The following MYRIP variants were observed in gnomAD, a reference collection of about 807,000 sequenced individuals.
MYRIP encodes rab effector MyRIP.
MYRIP carries 49 observed loss-of-function variants against 98.0 expected under a neutral mutation model. That is an observed-to-expected ratio of 0.50 (90% CI 0.40 to 0.63). The LOEUF (loss-of-function observed/expected upper bound fraction) is 0.63. MYRIP is among the 30% of genes least tolerant of loss of function. The pLI is 0.00. For missense variants in MYRIP, 1,004 were observed against 1,058.2 expected (o/e 0.95, Z 0.71); for synonymous variants, 404 against 409.5 (o/e 0.99, Z 0.16).
chr3:39,918,359 T>G (rs1184077328), intron 2 of MYRIP, among the ~76,000 whole-genome samples: 2 of 152,244 alleles, frequency 1.3e-5, no homozygotes, highest in African/African-American at 4.8e-5. Context: ...TGCCTTAGCC[T>G]CTGCCAGAGG....
intron 1 of MYRIP, among the ~76,000 whole-genome samples, chr3:39,868,839 T>C (rs1476859647): frequency 1.3e-5 from 2 of 152,172 alleles, no homozygotes; most frequent in Non-Finnish European, 2.9e-5. Context: ...GTTGATAGTC[T>C]TTTTCTTTCA....
intron 2 of MYRIP, among the ~76,000 whole-genome samples, chr3:39,919,691 GTGGTGTGTGTGT>G (rs1944257095): frequency 7.0e-6 from 1 of 143,592 alleles, no homozygotes; most frequent in African/African-American, 2.8e-5. Flanking sequence ...GCGGGTATGT[GTGGTGTGTGTGT>G]GTGTGTGTGT....
In MYRIP at chr3:39,866,268, C is replaced by T. The variant is rs541051698; in HGVS notation, c.-30-34519C>T. 4.6e-5 allele frequency among the ~76,000 whole-genome samples: 7 copies of T among 152,150 alleles called. No homozygotes were observed. In the East Asian group the frequency reaches 7.7e-4, roughly 17 times the overall value. Reference sequence around the variant, plus strand: ...TACCTGGGTGGTGAAATAATCTATACACCAAACGCCCATGACACATAATTT... The same window carrying T: ...TACCTGGGTGGTGAAATAATCTATATACCAAACGCCCATGACACATAATTT... On this transcript the variant is annotated intron_variant, in intron 1 of 16. Transcript: ENST00000302541.
rs1275803311 is a variant in MYRIP at position 39,870,833 on chromosome 3, G to A, written c.-30-29954G>A. Among the ~76,000 whole-genome samples, 4 of 152,268 alleles carry A rather than the reference G, an allele frequency of 2.6e-5. No individual in the cohort carries two copies. In the South Asian group the frequency reaches 6.2e-4, roughly 24 times the overall value. On this transcript the variant is annotated intron_variant, in intron 1 of 16. Coordinates refer to ENST00000302541, the MANE Select transcript of MYRIP (RefSeq NM_015460.4). ...GTGCAAAGGGAAATGTGATCACAGGGCTTTCTTTGGGTCTCAGCAGTTACT... is the reference window on the plus strand; with the variant it reads ...GTGCAAAGGGAAATGTGATCACAGGACTTTCTTTGGGTCTCAGCAGTTACT...
At chr3:40,129,815 C>G (rs1348504791) in intron 3 of MYRIP, among the ~76,000 whole-genome samples, 1 of 152,076 alleles carries the variant, frequency 6.6e-6, no homozygotes, top group Non-Finnish European at 1.5e-5. Flanking sequence ...TTGTTTTAGT[C>G]GAATGAGCCA....
intron 2 of MYRIP, among the ~76,000 whole-genome samples, chr3:40,017,374 ATCAGGT>A (rs1447351587): frequency 2.6e-5 from 4 of 152,218 alleles, no homozygotes; most frequent in African/African-American, 4.8e-5. Flanking sequence ...ATAACCCTTG[ATCAGGT>A]TCAATCCCTT....
intron 3 of MYRIP, among the ~76,000 whole-genome samples, chr3:40,059,771 C>G (rs116462037): frequency 0.016 from 2,415 of 152,248 alleles, 27 homozygotes; most frequent in African/African-American, 0.03. Flanking sequence ...TTTTTAGATA[C>G]TGGTCTAAGC....
chr3:40,206,656 T>C (rs754024484), intron 10 of MYRIP, among the ~76,000 whole-genome samples: 2 of 152,166 alleles, frequency 1.3e-5, no homozygotes, highest in Admixed American at 6.5e-5. Context: ...TACAATTGTC[T>C]GGTTCAATGT....
At chr3:39,990,824 A>C (rs527892424) in intron 2 of MYRIP, among the ~76,000 whole-genome samples, 1 of 152,196 alleles carries the variant, frequency 6.6e-6, no homozygotes, top group Non-Finnish European at 1.5e-5. Context: ...GGCACATGGC[A>C]AACTGTATGA....
At chr3:39,842,468 C>T (rs888472366) in intron 1 of MYRIP, among the ~76,000 whole-genome samples, 6 of 152,070 alleles carry the variant, frequency 3.9e-5, no homozygotes, top group African/African-American at 7.2e-5. Context: ...GGGGAGTGAA[C>T]GGTTCTGTCT....
chr3:40,258,217 A>G lies in MYRIP; in HGVS notation c.*51A>G. On this transcript the variant is annotated 3_prime_UTR_variant, in exon 17 of 17. Transcript: ENST00000302541. The stretch of plus-strand genomic sequence containing the variant: ...CCCACTGCCTCCGGCCGTACACGAC[A>G]GTGCCTTGACCCAACAGCCATCGAG... The G allele has an allele frequency of 6.2e-7, 1 of 1,610,390 alleles. No homozygotes were observed. The highest frequency in any genetic ancestry group is 8.5e-7 in the Non-Finnish European group (1 of 1,176,630).
At chr3:40,008,287 G>T (rs546309429) in intron 2 of MYRIP, among the ~76,000 whole-genome samples, 4 of 152,124 alleles carry the variant, frequency 2.6e-5, no homozygotes, top group Non-Finnish European at 5.9e-5. Context: ...ACAAGCAAAG[G>T]ACAGAAATTT....
At chr3:40,094,004 G>T (rs948551190) in intron 3 of MYRIP, among the ~76,000 whole-genome samples, 9 of 151,980 alleles carry the variant, frequency 5.9e-5, no homozygotes, top group Admixed American at 5.9e-4. Flanking sequence ...CCTACCACAA[G>T]GCCTTTGCAC....
At chr3:40,046,664 TCTGAAGCAGACCG>T (rs774988776) in intron 3 of MYRIP, among the ~76,000 whole-genome samples, 15 of 149,906 alleles carry the variant, frequency 1.0e-4, no homozygotes, top group Non-Finnish European at 1.6e-4. Context: ...GTGTGGAGGG[TCTGAAGCAGACCG>T]CTATTGAAGC....
chr3:39,923,880 TTACTA>T (rs547555788), intron 2 of MYRIP, among the ~76,000 whole-genome samples: 110 of 152,212 alleles, frequency 7.2e-4, no homozygotes, highest in Admixed American at 2.9e-3. Context: ...GAAGGTAAGT[TTACTA>T]TACTTCACTT....
At chr3:40,207,832 T>C (rs1951825267) in intron 10 of MYRIP, among the ~76,000 whole-genome samples, 1 of 152,198 alleles carries the variant, frequency 6.6e-6, no homozygotes, top group African/African-American at 2.4e-5. Context: ...TGAAGACTCT[T>C]AGTCTGAGAT....
At chr3:40,009,645 AG>A (rs1477403977) in intron 2 of MYRIP, among the ~76,000 whole-genome samples, 3 of 152,190 alleles carry the variant, frequency 2.0e-5, no homozygotes, top group Non-Finnish European at 4.4e-5. Context: ...CTGGATAAAC[AG>A]GGCTGCCTCC....
At chr3:39,956,856 G>A (rs1034307059) in intron 2 of MYRIP, among the ~76,000 whole-genome samples, 12 of 151,622 alleles carry the variant, frequency 7.9e-5, no homozygotes, top group South Asian at 2.1e-4. Flanking sequence ...TATCACCACC[G>A]ATCCCACAGA....
intron 16 of MYRIP, among the ~76,000 whole-genome samples, chr3:40,257,234 A>G (rs572887095): frequency 5.3e-5 from 8 of 152,240 alleles, no homozygotes; most frequent in African/African-American, 1.9e-4. Context: ...TAAGGCGGGG[A>G]TCCCCTGAGC....
Sources: gnomAD v4.1 joint callset for allele counts (sites outside exome capture counted in the v4.1 genomes callset) on GRCh38, gnomAD v4.1.1 for gene constraint, MANE v1.5 for transcripts, NCBI Gene and HGNC (gene_info 2026-07-23, HGNC 2026-07-21) for gene names.